The following TTPA variants were observed in gnomAD, a reference collection of about 807,000 sequenced individuals.
TTPA encodes alpha-tocopherol transfer protein.
TTPA carries 23 observed loss-of-function variants against 25.9 expected under a neutral mutation model. The ratio of observed to expected loss-of-function variants is 0.89; its 90% CI spans 0.64 to 1.26. The LOEUF (loss-of-function observed/expected upper bound fraction) is 1.26. Among genes scored for constraint, TTPA ranks in the 50% most tolerant of loss-of-function variants. The probability of loss-of-function intolerance (pLI) is 0.00; values close to 1 mark genes in which losing one functional copy is unlikely to be tolerated. For missense variants in TTPA, 337 were observed against 353.1 expected (o/e 0.95, Z 0.37); for synonymous variants, 148 against 137.3 (o/e 1.08, Z -0.54).
chr8:63,068,708 T>TGTA (rs1805436153), intron 2 of TTPA, among the ~76,000 whole-genome samples: 1 of 152,148 alleles, frequency 6.6e-6, no homozygotes, highest in Admixed American at 6.6e-5. Context: ...ACTGGTAGCA[T>TGTA]GTAGTAGCAA....
chr8:63,061,992 CAGG>C (rs1805313932), intron 4 of TTPA, among the ~76,000 whole-genome samples: 2 of 151,928 alleles, frequency 1.3e-5, no homozygotes, highest in Admixed American at 1.3e-4. Flanking sequence ...TACTTGAGCT[CAGG>C]AGTTCAACAC....
chr8:63,079,134 A>G (rs1184065033), intron 1 of TTPA, among the ~76,000 whole-genome samples: 1 of 152,234 alleles, frequency 6.6e-6, no homozygotes, highest in Non-Finnish European at 1.5e-5. Context: ...AGACAAGCTG[A>G]GAGATTTTGT....
At chr8:63,085,701 C>T (rs1805737672) in intron 1 of TTPA, 117 bp downstream of exon 1, 3 of 1,303,092 alleles carry the variant, frequency 2.3e-6, no homozygotes, top group Non-Finnish European at 3.1e-6. Flanking sequence ...GCGCGTTACC[C>T]GCCAGGGTCC....
chr8:63,070,899 C>T (rs1373879809), intron 2 of TTPA, among the ~76,000 whole-genome samples: 1 of 152,084 alleles, frequency 6.6e-6, no homozygotes, highest in African/African-American at 2.4e-5. Flanking sequence ...ATACAACACT[C>T]AATTAAAGTT....
In TTPA at chr8:63,068,458, T is replaced by C. The variant is rs529793653; in HGVS notation, c.359-2361A>G. Among the ~76,000 whole-genome samples, 19 of 152,288 alleles carry C rather than the reference T, an allele frequency of 1.2e-4. No homozygotes were observed. In the East Asian group the frequency reaches 3.7e-3, roughly 29 times the overall value. ...AGAGGTTAAGTGAAATAGGACTAAA[T>C]ATGTCCATTAAATGTGGTAAAAAGA... On this transcript the variant is annotated intron_variant, in intron 2 of 4. Transcript: ENST00000260116.
Position 63,085,977 on chromosome 8 carries a change from G to T in TTPA, c.45C>A (p.Asn15Lys). Residue 15 changes from asparagine (N) to lysine (K), a missense_variant, in exon 1 of 5, where the codon AAC becomes AAA. Coordinates refer to ENST00000260116, the MANE Select transcript of TTPA (RefSeq NM_000370.3). ...GCAACGGAGAGTGGTCCGGTAGCGC[G>T]TTGAGCTGCGGCCCCGCCGAGGGCT... ...RSQPSAGPQLNALPDHSPLLQ... is the reference protein window; with the variant it reads ...RSQPSAGPQLKALPDHSPLLQ... The T allele has an allele frequency of 6.7e-7, 1 of 1,503,738 alleles. No individual in the cohort carries two copies. Among genetic ancestry groups the T allele is most frequent in the Admixed American group, 2.1e-5 (1 of 47,268 alleles). 93.1% of individuals were successfully genotyped at this position (1,503,738 alleles called of 1,614,324 possible).
intron 1 of TTPA, among the ~76,000 whole-genome samples, chr8:63,074,990 G>A (rs1805539737): frequency 6.6e-6 from 1 of 152,176 alleles, no homozygotes; most frequent in Non-Finnish European, 1.5e-5. Context: ...CTGTAAAGAG[G>A]CACAAATCAC....
intron 3 of TTPA, among the ~76,000 whole-genome samples, chr8:63,065,508 C>T (rs955308125): frequency 4.0e-5 from 6 of 151,806 alleles, no homozygotes; most frequent in Non-Finnish European, 7.4e-5. Context: ...AAGATGATGA[C>T]CACTTTAAAA....
intron 4 of TTPA, among the ~76,000 whole-genome samples, chr8:63,063,617 T>C (rs900536604): frequency 2.0e-5 from 3 of 152,198 alleles, no homozygotes; most frequent in Non-Finnish European, 4.4e-5. Context: ...TCTTCTCTTG[T>C]TCCCTATAGA....
chr8:63,084,956 TA>T (rs1805724393), intron 1 of TTPA, among the ~76,000 whole-genome samples: 1 of 152,216 alleles, frequency 6.6e-6, no homozygotes, highest in African/African-American at 2.4e-5. Flanking sequence ...TGTACTATAA[TA>T]TCTTTCCTGC....
At position 63,061,163 on chromosome 8, in the gene TTPA, A is replaced by T. The variant is rs1805299138; in HGVS notation, c.*89T>A. ...AAGTTCAGGCAAGCATTAGTTTAAA[A>T]GATTTGCTCCTTTTCTTTCATTCAT... is the stretch of plus-strand genomic sequence containing the variant. On this transcript the variant is annotated 3_prime_UTR_variant, in exon 5 of 5. Coordinates refer to ENST00000260116, the MANE Select transcript of TTPA (RefSeq NM_000370.3). 4 of 1,347,314 alleles carry T rather than the reference A, an allele frequency of 3.0e-6. No homozygotes were observed. The South Asian group carries it at 4.8e-5, about 16-fold the overall frequency. 83.5% of individuals were successfully genotyped at this position (1,347,314 alleles called of 1,614,324 possible).
chr8:63,067,951 C>G (rs1259311795), intron 2 of TTPA, among the ~76,000 whole-genome samples: 1 of 152,226 alleles, frequency 6.6e-6, no homozygotes, highest in South Asian at 2.1e-4. Context: ...TAATGTCATT[C>G]GTTTTATGGC....
chr8:63,064,191 A>G lies in TTPA; in HGVS notation c.663+15T>C. ...TTGGTGTAGAGGAACACAGACTTGA[A>G]TATATTTTACTCACCCGTTCCTTAA... On this transcript the variant is annotated intron_variant, in intron 4 of 4. Transcript: ENST00000260116. 1 of 1,572,704 alleles carries G rather than the reference A, an allele frequency of 6.4e-7. No homozygotes were observed. Among genetic ancestry groups the G allele is most frequent in the East Asian group, 2.2e-5 (1 of 44,542 alleles).
In TTPA at chr8:63,075,182, T is replaced by C. The variant is rs1805542894; in HGVS notation, c.205-2094A>G. 2.0e-5 allele frequency among the ~76,000 whole-genome samples: 3 copies of C among 152,294 alleles called. No homozygotes were observed. The South Asian group carries it at 6.2e-4, about 32-fold the overall frequency. ...ACAACAACAAAGAAGTGGCTAAAAA[T>C]AAATATTCATCATTGGAAGGTGTCT... On this transcript the variant is annotated intron_variant, in intron 1 of 4. Transcript: ENST00000260116.
At chr8:63,068,877 G>A (rs958540265) in intron 2 of TTPA, among the ~76,000 whole-genome samples, 8 of 152,104 alleles carry the variant, frequency 5.3e-5, no homozygotes, top group Admixed American at 2.0e-4. Flanking sequence ...ATTTCTGGCC[G>A]GGCATGGTGG....
At chr8:63,082,989 A>C (rs746574797) in intron 1 of TTPA, among the ~76,000 whole-genome samples, 4 of 152,248 alleles carry the variant, frequency 2.6e-5, no homozygotes, top group Non-Finnish European at 4.4e-5. Context: ...AGGAAACGAC[A>C]GGTGCTGGAG....
intron 1 of TTPA, among the ~76,000 whole-genome samples, chr8:63,078,007 G>A (rs1235841466): frequency 1.3e-5 from 2 of 152,222 alleles, no homozygotes; most frequent in Admixed American, 6.5e-5. Context: ...AATATTCACT[G>A]TTCTGCAGCC....
At position 63,083,579 on chromosome 8, in the gene TTPA, T is replaced by C. The variant is rs143432306; in HGVS notation, c.204+2239A>G. Among the ~76,000 whole-genome samples the C allele has an allele frequency of 5.0e-4, 76 of 151,178 alleles. 1 individual carries two copies. The East Asian group carries it at 0.013, about 26-fold the overall frequency. On this transcript the variant is annotated intron_variant, in intron 1 of 4. Transcript: ENST00000260116. ...GCAGCAAACCAACATGGCACATGTA[T>C]ATCTATGTATCAAACCTGCACATTG... is the stretch of plus-strand genomic sequence containing the variant.
intron 1 of TTPA, among the ~76,000 whole-genome samples, chr8:63,082,860 T>C (rs916893079): frequency 6.6e-6 from 1 of 152,188 alleles, no homozygotes; most frequent in Non-Finnish European, 1.5e-5. Context: ...AGAAGACATT[T>C]ATGCAGCCAA....
Sources: gnomAD v4.1 joint callset for allele counts (sites outside exome capture counted in the v4.1 genomes callset) on GRCh38, gnomAD v4.1.1 for gene constraint, MANE v1.5 for transcripts, NCBI Gene and HGNC (gene_info 2026-07-23, HGNC 2026-07-21) for gene names.